The following ZNF451 variants were observed in gnomAD, a reference collection of about 807,000 sequenced individuals.
ZNF451 encodes the protein zinc finger protein 451.
Under a neutral mutation model 107.1 loss-of-function variants are expected in ZNF451, and 80 were observed. That is an observed-to-expected ratio of 0.75 (90% CI 0.62 to 0.90). The LOEUF is 0.90. Among genes scored for constraint, ZNF451 ranks in the 40% least tolerant of loss-of-function variants. The pLI, the probability that ZNF451 is intolerant of heterozygous loss-of-function variation, is 0.00. For missense variants in ZNF451, 1,107 were observed against 1,236.2 expected, an observed-to-expected ratio of 0.90 and a Z score of 1.57; for synonymous variants, 362 against 406.5, an observed-to-expected ratio of 0.89 and a Z score of 1.32.
At chr6:57,105,884 T>C (rs563807149) in intron 3 of ZNF451, 16 of 984,360 alleles carry the variant, frequency 1.6e-5, no homozygotes, top group African/African-American at 1.4e-4. Context: ...TATAATTACA[T>C]TTAAACTTTT....
At chr6:57,116,954 G>A (rs954305195) in intron 3 of ZNF451, 1 of 151,230 alleles carries the variant, frequency 6.6e-6, no homozygotes, top group African/African-American at 2.4e-5. Context: ...AAAAAAAAAT[G>A]AAGAAACTTT....
intron 6 of ZNF451, among the ~76,000 whole-genome samples, chr6:57,133,864 C>T (rs1831302066): frequency 6.6e-6 from 1 of 152,028 alleles, no homozygotes; most frequent in Non-Finnish European, 1.5e-5. Context: ...TTTGCAGAGA[C>T]GTGGCTCTGC....
At chr6:57,123,522 G>GAGGGT (rs1489205128) in intron 3 of ZNF451, among the ~76,000 whole-genome samples, 1 of 152,128 alleles carries the variant, frequency 6.6e-6, no homozygotes, top group African/African-American at 2.4e-5. Flanking sequence ...GAGAGAGAGA[G>GAGGGT]AGGGTAGGGG....
At chr6:57,121,555 A>G (rs1049148287) in intron 3 of ZNF451, among the ~76,000 whole-genome samples, 2 of 152,212 alleles carry the variant, frequency 1.3e-5, no homozygotes, top group Non-Finnish European at 2.9e-5. Context: ...AAAATTAACT[A>G]CAAAAGTCAG....
intron 6 of ZNF451, 112 bp from the exon 7 acceptor site, chr6:57,134,632 G>A: frequency 1.1e-6 from 1 of 890,170 alleles, no homozygotes; most frequent in Non-Finnish European, 1.7e-6. Context: ...GTAGAAAAGT[G>A]CAAAGTTCTG....
intron 3 of ZNF451, chr6:57,101,124 A>C (rs1261925492): frequency 5.2e-6 from 8 of 1,550,794 alleles, no homozygotes; most frequent in Non-Finnish European, 7.0e-6. Context: ...TTGAAGAAGA[A>C]ACTGATTACA....
intron 3 of ZNF451, among the ~76,000 whole-genome samples, chr6:57,111,938 T>C (rs1830135483): frequency 6.6e-6 from 1 of 151,974 alleles, no homozygotes; most frequent in African/African-American, 2.4e-5. Context: ...TTCTGTGTAC[T>C]TTGTATTTGT....
At chr6:57,106,116 G>A in intron 3 of ZNF451, 4 of 985,226 alleles carry the variant, frequency 4.1e-6, no homozygotes, top group Non-Finnish European at 3.6e-6. Context: ...AACCTCTCAG[G>A]TACTGTAAAC....
intron 9 of ZNF451, among the ~76,000 whole-genome samples, chr6:57,145,332 G>A (rs1310518685): frequency 6.6e-6 from 1 of 152,114 alleles, no homozygotes; most frequent in Non-Finnish European, 1.5e-5. Flanking sequence ...CAGGGGGTAC[G>A]AGTGCAGTTT....
At chr6:57,117,632 C>A (rs916654723) in intron 3 of ZNF451, among the ~76,000 whole-genome samples, 1 of 152,092 alleles carries the variant, frequency 6.6e-6, no homozygotes, top group African/African-American at 2.4e-5. Context: ...TAGTGAATTA[C>A]TGAAATTTTT....
chr6:57,144,024 G>T (rs1259541892), intron 9 of ZNF451, among the ~76,000 whole-genome samples: 1 of 152,036 alleles, frequency 6.6e-6, no homozygotes, highest in Non-Finnish European at 1.5e-5. Flanking sequence ...GAAAGTAGTT[G>T]CTTAGGGTTC....
chr6:57,102,653 C>G, intron 3 of ZNF451: 1 of 985,492 alleles, frequency 1.0e-6, no homozygotes, highest in Non-Finnish European at 1.2e-6. Context: ...CTATCAAGCT[C>G]TGTGAGACTT....
chr6:57,152,590 A>G (rs1268500349), intron 12 of ZNF451, among the ~76,000 whole-genome samples: 1 of 152,064 alleles, frequency 6.6e-6, no homozygotes, highest in African/African-American at 2.4e-5. Context: ...TCAAGAGCTG[A>G]TACTGTTTTT....
intron 3 of ZNF451, among the ~76,000 whole-genome samples, chr6:57,118,257 A>G (rs1830465935): frequency 6.6e-6 from 1 of 151,414 alleles, no homozygotes; most frequent in Non-Finnish European, 1.5e-5. Flanking sequence ...TACCTTGTCC[A>G]CTTTGCCTGT....
At chr6:57,138,408 G>A (rs908128010) in intron 7 of ZNF451, among the ~76,000 whole-genome samples, 4 of 151,494 alleles carry the variant, frequency 2.6e-5, no homozygotes, top group African/African-American at 7.3e-5. Context: ...GATTACAGGC[G>A]CCTGCCACCA....
chr6:57,143,594 A>G (rs570340307), intron 9 of ZNF451, among the ~76,000 whole-genome samples: 2 of 152,338 alleles, frequency 1.3e-5, no homozygotes, highest in Non-Finnish European at 2.9e-5. Context: ...TGCATGCCAC[A>G]GATGTTGATA....
chr6:57,093,418 G>C (rs571142211), intron 2 of ZNF451, among the ~76,000 whole-genome samples: 82 of 152,266 alleles, frequency 5.4e-4, no homozygotes, highest in Middle Eastern at 3.4e-3. Flanking sequence ...TTATTTGGCT[G>C]GGTGTCTTGG....
chr6:57,148,921 T>A lies in ZNF451; in HGVS notation c.2608+228T>A, dbSNP rs182477758. On this transcript the variant is annotated intron_variant, in intron 10 of 14. Coordinates refer to ENST00000370706, the MANE Select transcript of ZNF451 (RefSeq NM_001031623.3). ...CTTTAAATAATATATATTTTAGATA[T>A]CATTTTATTTTACAAAAGGTGTGGA... is the stretch of plus-strand genomic sequence containing the variant. 1.2e-3 allele frequency among the ~76,000 whole-genome samples: 178 copies of A among 152,308 alleles called. 1 individual carries two copies. Among genetic ancestry groups the A allele is most frequent in the Non-Finnish European group, 2.2e-3 (151 of 68,022 alleles).
intron 3 of ZNF451, chr6:57,101,446 G>T (rs1829591215): frequency 1.3e-6 from 2 of 1,550,780 alleles, no homozygotes; most frequent in Non-Finnish European, 1.7e-6. Flanking sequence ...AAACCCACCA[G>T]CTGAAGGCCC....
Sources: gnomAD v4.1 joint callset for allele counts (sites outside exome capture counted in the v4.1 genomes callset) on GRCh38, gnomAD v4.1.1 for gene constraint, MANE v1.5 for transcripts, NCBI Gene and HGNC (gene_info 2026-07-23, HGNC 2026-07-21) for gene names.